The following POLR1D variants were observed in gnomAD, a reference collection of about 807,000 sequenced individuals.
The protein encoded by POLR1D is DNA-directed RNA polymerases I and III subunit RPAC2.
Under a neutral mutation model 10.8 loss-of-function variants are expected in POLR1D, and 8 were observed. The observed-to-expected ratio is 0.74, with a 90% confidence interval of 0.43 to 1.33. The LOEUF (loss-of-function observed/expected upper bound fraction) is 1.33, where lower values mean the gene tolerates loss of function less well. POLR1D is among the 40% of genes most tolerant of loss of function. The probability of loss-of-function intolerance (pLI) is 0.01; values close to 1 mark genes in which losing one functional copy is unlikely to be tolerated. For missense variants in POLR1D, 152 were observed against 161.7 expected (o/e 0.94, Z 0.32); for synonymous variants, 54 against 57.2 (o/e 0.94, Z 0.25).
downstream of POLR1D, among the ~76,000 whole-genome samples, chr13:27,624,814 G>A (rs953810396): frequency 2.0e-5 from 3 of 152,146 alleles, no homozygotes; most frequent in African/African-American, 7.2e-5. Flanking sequence ...CTTGAACCTA[G>A]GAGGTTGAGG....
intron 2 of POLR1D, among the ~76,000 whole-genome samples, chr13:27,652,223 C>G (rs1486360455): frequency 2.6e-5 from 4 of 152,192 alleles, no homozygotes; most frequent in African/African-American, 9.7e-5. Flanking sequence ...TTGTTTCTTG[C>G]CAGCTCTCCA....
chr13:27,649,946 G>C (rs1218722786), intron 2 of POLR1D: 1 of 397,388 alleles, frequency 2.5e-6, no homozygotes, highest in Non-Finnish European at 4.4e-6. Context: ...CCAACCACAA[G>C]TTCAGAGGGT....
chr13:27,624,093 C>G (rs997837495), downstream of POLR1D, among the ~76,000 whole-genome samples: 6 of 152,086 alleles, frequency 3.9e-5, no homozygotes, highest in Non-Finnish European at 7.4e-5. Context: ...AAACACATAT[C>G]CCACCCGCCA....
At chr13:27,658,825 C>CTT (rs1956331486) in intron 2 of POLR1D, among the ~76,000 whole-genome samples, 1 of 152,194 alleles carries the variant, frequency 6.6e-6, no homozygotes, top group Non-Finnish European at 1.5e-5. Flanking sequence ...ATTTGCCCAG[C>CTT]TTCATTGTCT....
intron 1 of POLR1D, among the ~76,000 whole-genome samples, chr13:27,631,323 GC>G (rs1956071129): frequency 6.6e-6 from 1 of 152,182 alleles, no homozygotes; most frequent in Non-Finnish European, 1.5e-5. Context: ...TCCTGCCAGA[GC>G]CAGGAAAACA....
rs190459859 is a variant in POLR1D, at chr13:27,651,204, G to A, written c.101+2751G>A. 5.7e-4 allele frequency: 87 copies of A among 152,240 alleles called. 1 individual carries two copies. Among genetic ancestry groups the A allele is most frequent in the African/African-American group, 2.0e-3 (85 of 41,546 alleles). The allele number at this position is 152,240 out of a possible 1,614,324, so 9.4% of individuals were successfully genotyped here. ...CAGAGGGCAGAGAAACATGTTAAAT[G>A]ACACCATAAGGCTGCAATCACAAAA... On this transcript the variant is annotated intron_variant, in intron 2 of 2. Coordinates refer to the POLR1D transcript ENST00000399697.
At chr13:27,656,692 G>A (rs1472541416) in intron 2 of POLR1D, among the ~76,000 whole-genome samples, 4 of 152,184 alleles carry the variant, frequency 2.6e-5, no homozygotes, top group Non-Finnish European at 4.4e-5. Context: ...CAGGGCCATG[G>A]GCAAAATGTT....
chr13:27,658,471 T>G (rs555190137), intron 2 of POLR1D, among the ~76,000 whole-genome samples: 97 of 152,358 alleles, frequency 6.4e-4, no homozygotes, highest in African/African-American at 2.1e-3. Flanking sequence ...GGCCATGGCC[T>G]GTTTTTTTCT....
chr13:27,653,817 T>C (rs1341680442), intron 2 of POLR1D, among the ~76,000 whole-genome samples: 1 of 152,234 alleles, frequency 6.6e-6, no homozygotes, highest in African/African-American at 2.4e-5. Flanking sequence ...CTTTGATGTC[T>C]GGCTTATAGA....
At chr13:27,634,226 T>G (rs569827169) in intron 1 of POLR1D, among the ~76,000 whole-genome samples, 32 of 152,170 alleles carry the variant, frequency 2.1e-4, no homozygotes, top group Non-Finnish European at 4.1e-4. Flanking sequence ...TTGGAAAACA[T>G]AAAGGATTCT....
chr13:27,657,165 A>G (rs911375957), intron 2 of POLR1D, among the ~76,000 whole-genome samples: 1 of 152,176 alleles, frequency 6.6e-6, no homozygotes, highest in Non-Finnish European at 1.5e-5. Flanking sequence ...TATATAACAA[A>G]TATGTCTTCT....
chr13:27,622,792 C>G, intron 1 of POLR1D, 83 bp from the exon 2 acceptor site: 1 of 825,432 alleles, frequency 1.2e-6, no homozygotes, highest in African/African-American at 1.7e-5. Flanking sequence ...TAATGTGTTG[C>G]AATGTGATAT....
chr13:27,649,741 A>G (rs544127787), intron 2 of POLR1D, among the ~76,000 whole-genome samples: 62 of 152,328 alleles, frequency 4.1e-4, no homozygotes, highest in African/African-American at 1.3e-3. Context: ...GAAAAGGTCT[A>G]GAAACAATGA....
chr13:27,623,289 T>C lies in POLR1D; in HGVS notation c.*39T>C. 6.2e-7 allele frequency: 1 copy of C among 1,612,070 alleles called. No homozygotes were observed. Among genetic ancestry groups the C allele is most frequent in the East Asian group, 2.2e-5 (1 of 44,890 alleles). On this transcript the variant is annotated 3_prime_UTR_variant, in exon 2 of 2. Coordinates refer to ENST00000302979, the MANE Select transcript of POLR1D (RefSeq NM_015972.4). ...ATACAAGGAGAACTGTCCTGTAGGA[T>C]ATTCTCTTCCTGATGGTGCAGAACC...
At chr13:27,650,101 C>T in intron 2 of POLR1D, 1 of 398,372 alleles carries the variant, frequency 2.5e-6, no homozygotes. Context: ...AAGATTAAAG[C>T]CACTGTTATC....
chr13:27,620,820 C>G (rs1321653302), upstream of POLR1D: 3 of 153,168 alleles, frequency 2.0e-5, no homozygotes, highest in Non-Finnish European at 4.4e-5. Flanking sequence ...GCGGAAGCCC[C>G]GCTGGCTAGG....
At chr13:27,626,431 C>A (rs1956010918), downstream of POLR1D, among the ~76,000 whole-genome samples, 1 of 152,142 alleles carries the variant, frequency 6.6e-6, no homozygotes, top group African/African-American at 2.4e-5. Flanking sequence ...CGGGTTCATA[C>A]AAAACACCTG....
At chr13:27,649,418 T>C (rs1254793598) in intron 2 of POLR1D, among the ~76,000 whole-genome samples, 1 of 152,150 alleles carries the variant, frequency 6.6e-6, no homozygotes, top group Non-Finnish European at 1.5e-5. Flanking sequence ...TCAGGTGATC[T>C]GGAATTTGAC....
Position 27,646,277 on chromosome 13 carries a change from A to G in POLR1D, c.27-2102A>G, listed in dbSNP as rs950662249. 2.6e-5 allele frequency: 4 copies of G among 152,344 alleles called. 1 individual carries two copies. The Middle Eastern group carries it at 0.01, about 389-fold the overall frequency. The allele number at this position is 152,344 out of a possible 1,614,324, so 9.4% of individuals were successfully genotyped here. Reference sequence around the variant, plus strand: ...ACTAATTTATGGGAAAGGAAGAGGCATATTTGGAATATTTATACCCTTTAA... The same window carrying G: ...ACTAATTTATGGGAAAGGAAGAGGCGTATTTGGAATATTTATACCCTTTAA... On this transcript the variant is annotated intron_variant, in intron 1 of 2. Transcript: ENST00000399697.
Sources: allele counts gnomAD v4.1 joint callset (sites outside exome capture counted in the v4.1 genomes callset), GRCh38; gene constraint gnomAD v4.1.1; transcripts MANE v1.5; gene names NCBI Gene and HGNC (gene_info 2026-07-23, HGNC 2026-07-21).